Variants in LRMDA observed in about 807,000 individuals in gnomAD.
LRMDA encodes leucine-rich melanocyte differentiation-associated protein.
In LRMDA, 18 loss-of-function variants were observed where a neutral mutation model predicts 29.8. The observed-to-expected ratio is 0.60, with a 90% CI of 0.42 to 0.90. LRMDA has a LOEUF of 0.90. LRMDA is among the 40% of genes least tolerant of loss of function. The pLI, the probability that LRMDA is intolerant of heterozygous loss-of-function variation, is 0.00. For synonymous variants in LRMDA, 125 were observed against 109.4 expected, an observed-to-expected ratio of 1.14 and a Z score of -0.89; for missense variants, 273 against 273.9, an observed-to-expected ratio of 1.00 and a Z score of 0.02.
At chr10:75,792,837 G>C (rs1185534984) in intron 2 of LRMDA, among the ~76,000 whole-genome samples, 1 of 152,182 alleles carries the variant, frequency 6.6e-6, no homozygotes, top group Non-Finnish European at 1.5e-5. Context: ...TATATGAAAA[G>C]TGCTTAAAAA....
At chr10:76,191,648 G>T (rs1851248754) in intron 5 of LRMDA, among the ~76,000 whole-genome samples, 1 of 152,148 alleles carries the variant, frequency 6.6e-6, no homozygotes, top group Non-Finnish European at 1.5e-5. Flanking sequence ...CACCCTGTAG[G>T]GCCCTTTTAG....
At chr10:76,374,397 G>A (rs915841901) in intron 6 of LRMDA, among the ~76,000 whole-genome samples, 18 of 152,170 alleles carry the variant, frequency 1.2e-4, no homozygotes, top group African/African-American at 4.3e-4. Flanking sequence ...TTTAATGGCA[G>A]ATGAAAGGAC....
intron 2 of LRMDA, among the ~76,000 whole-genome samples, chr10:75,976,383 T>C (rs1847070690): frequency 6.6e-6 from 1 of 152,276 alleles, no homozygotes; most frequent in Admixed American, 6.5e-5. Context: ...AACCCACTTA[T>C]AACTGGCAGT....
At chr10:76,219,601 C>A (rs879547784) in intron 5 of LRMDA, among the ~76,000 whole-genome samples, 9 of 152,164 alleles carry the variant, frequency 5.9e-5, no homozygotes, top group Non-Finnish European at 1.2e-4. Flanking sequence ...TACAGGAGCA[C>A]CCAGATTCAT....
intron 6 of LRMDA, among the ~76,000 whole-genome samples, chr10:76,359,580 A>G (rs1198483011): frequency 2.0e-5 from 3 of 152,184 alleles, no homozygotes; most frequent in African/African-American, 2.4e-5. Flanking sequence ...ATGCACTAAG[A>G]TGCTTTCTAT....
chr10:76,328,632 G>C (rs962760843), intron 6 of LRMDA, among the ~76,000 whole-genome samples: 1 of 152,162 alleles, frequency 6.6e-6, no homozygotes, highest in African/African-American at 2.4e-5. Context: ...AAAAGTAGAG[G>C]GAGAGGCATG....
At position 76,055,088 on chromosome 10, in the gene LRMDA, A is replaced by G. The variant is rs1165657408; in HGVS notation, c.399-3578A>G. 1.9e-4 allele frequency among the ~76,000 whole-genome samples: 28 copies of G among 149,836 alleles called. No individual in the cohort carries two copies. In the South Asian group the frequency reaches 2.1e-3, roughly 11 times the overall value. The stretch of plus-strand genomic sequence containing the variant: ...CAAAAAAAAAAAAAAAAAAAAAAAA[A>G]AAAAAAGAAAAAGAAAAGAAAGAAA... On this transcript the variant is annotated intron_variant, in intron 4 of 6. Transcript: ENST00000611255.
At chr10:76,391,780 G>A (rs1200840949) in intron 6 of LRMDA, among the ~76,000 whole-genome samples, 2 of 152,144 alleles carry the variant, frequency 1.3e-5, no homozygotes, top group Non-Finnish European at 2.9e-5. Context: ...CTTTCATGGA[G>A]CCTAATCTTT....
At chr10:76,256,114 A>G (rs1000581614) in intron 5 of LRMDA, among the ~76,000 whole-genome samples, 4 of 152,184 alleles carry the variant, frequency 2.6e-5, no homozygotes, top group Non-Finnish European at 5.9e-5. Flanking sequence ...GAAATAGGTT[A>G]TTGTTTGTTG....
intron 2 of LRMDA, among the ~76,000 whole-genome samples, chr10:75,474,902 C>T (rs997418001): frequency 1.1e-4 from 16 of 152,202 alleles, no homozygotes; most frequent in East Asian, 7.7e-4. Flanking sequence ...TAACACTTGG[C>T]GCTGGTCTCT....
chr10:75,987,189 T>C (rs911865983), intron 2 of LRMDA, among the ~76,000 whole-genome samples: 8 of 152,234 alleles, frequency 5.3e-5, no homozygotes, highest in African/African-American at 1.9e-4. Context: ...TTTTTACTTA[T>C]GACTGTAGGC....
At chr10:76,094,175 A>T (rs1185105827) in intron 5 of LRMDA, among the ~76,000 whole-genome samples, 1 of 152,212 alleles carries the variant, frequency 6.6e-6, no homozygotes, top group Non-Finnish European at 1.5e-5. Flanking sequence ...TTGGCTTCTG[A>T]GATGGAACGA....
intron 6 of LRMDA, among the ~76,000 whole-genome samples, chr10:76,480,871 G>A (rs1484176874): frequency 6.6e-6 from 1 of 151,826 alleles, no homozygotes; most frequent in African/African-American, 2.4e-5. Flanking sequence ...TAAGTTCGAA[G>A]AATACCTTAA....
intron 2 of LRMDA, among the ~76,000 whole-genome samples, chr10:75,796,655 C>T (rs1265813930): frequency 6.6e-6 from 1 of 152,210 alleles, no homozygotes; most frequent in East Asian, 1.9e-4. Flanking sequence ...TCACTGCAAC[C>T]TCTGCCTCCC....
intron 2 of LRMDA, among the ~76,000 whole-genome samples, chr10:75,988,288 T>C (rs1394980682): frequency 6.6e-6 from 1 of 152,068 alleles, no homozygotes; most frequent in African/African-American, 2.4e-5. Flanking sequence ...GAGAAGTCAG[T>C]TTTCTCTTTC....
chr10:76,502,125 C>T (rs1372096602), intron 6 of LRMDA, among the ~76,000 whole-genome samples: 3 of 152,078 alleles, frequency 2.0e-5, no homozygotes, highest in Non-Finnish European at 4.4e-5. Context: ...GAGTCCTTTT[C>T]CCATTGCCTA....
intron 5 of LRMDA, among the ~76,000 whole-genome samples, chr10:76,219,094 T>A (rs1851780223): frequency 6.6e-6 from 1 of 152,096 alleles, no homozygotes; most frequent in Admixed American, 6.5e-5. Flanking sequence ...AGGCCTGCCC[T>A]AAAAGAACTC....
intron 2 of LRMDA, among the ~76,000 whole-genome samples, chr10:75,663,430 G>A (rs1841780231): frequency 6.6e-6 from 1 of 152,150 alleles, no homozygotes; most frequent in South Asian, 2.1e-4. Flanking sequence ...AGTTTCTAAA[G>A]CTTCCCAAGT....
rs867409277 is a variant in LRMDA at position 76,187,615 on chromosome 10, G to A, written c.516+128832G>A. ...AAGAAGATCAAATAGAGTAATTCTG[G>A]GAATATGCTCTGCTCCATGTGCTTG... is the stretch of plus-strand genomic sequence containing the variant. On this transcript the variant is annotated intron_variant, in intron 5 of 6. Transcript: ENST00000611255. Among the ~76,000 whole-genome samples, 6 of 152,226 alleles carry A rather than the reference G, an allele frequency of 3.9e-5. No individual in the cohort carries two copies. In the South Asian group the frequency reaches 8.3e-4, roughly 21 times the overall value.
Sources: allele counts gnomAD v4.1 joint callset (sites outside exome capture counted in the v4.1 genomes callset), GRCh38; gene constraint gnomAD v4.1.1; transcripts MANE v1.5; gene names NCBI Gene and HGNC (gene_info 2026-07-23, HGNC 2026-07-21).